Variants in SIM1 observed in about 807,000 individuals in gnomAD.
SIM1 encodes SIM bHLH transcription factor 1.
A neutral mutation model predicts 78.2 loss-of-function variants in SIM1; 18 were observed. The ratio of observed to expected loss-of-function variants is 0.23; its 90% CI spans 0.16 to 0.34. The LOEUF is 0.34. SIM1 is among the 10% of genes least tolerant of loss of function. The pLI, the probability that SIM1 is intolerant of heterozygous loss-of-function variation, is 1.00. For missense variants in SIM1, 939 were observed against 975.1 expected (o/e 0.96, Z 0.49); for synonymous variants, 417 against 385.2 (o/e 1.08, Z -0.97).
intron 2 of SIM1, among the ~76,000 whole-genome samples, chr6:100,458,013 T>TCTCTCC (rs1772721635): frequency 4.8e-4 from 6 of 12,382 alleles, no homozygotes; most frequent in African/African-American, 1.1e-3. Flanking sequence ...TCTTTCTCTC[T>TCTCTCC]CTCTCTCTCT....
intron 10 of SIM1, among the ~76,000 whole-genome samples, chr6:100,412,125 G>A (rs998852765): frequency 2.0e-5 from 3 of 152,100 alleles, no homozygotes; most frequent in African/African-American, 7.2e-5. Context: ...GCAGACTGGG[G>A]AGGAAAATTT....
intron 9 of SIM1, among the ~76,000 whole-genome samples, chr6:100,441,622 G>A (rs1387516005): frequency 6.6e-6 from 1 of 151,968 alleles, no homozygotes; most frequent in Non-Finnish European, 1.5e-5. Context: ...TATAATCTAG[G>A]ACCAAGCAAT....
At chr6:100,432,667 G>T (rs1374573041) in intron 9 of SIM1, among the ~76,000 whole-genome samples, 1 of 152,062 alleles carries the variant, frequency 6.6e-6, no homozygotes, top group Non-Finnish European at 1.5e-5. Flanking sequence ...TTGCATAGCT[G>T]CAGGGTTTAG....
chr6:100,447,258 T>G lies in SIM1; in HGVS notation c.998+10A>C, dbSNP rs1300327721. Reference sequence around the variant, plus strand: ...TGGGGTGGGTGAAGGGGTCTCAGTCTTGCACTCACGTGAGGACATAGTTGA... The same window carrying G: ...TGGGGTGGGTGAAGGGGTCTCAGTCGTGCACTCACGTGAGGACATAGTTGA... On this transcript the variant is annotated intron_variant, in intron 9 of 11. Coordinates refer to ENST00000369208, the MANE Select transcript of SIM1 (RefSeq NM_005068.3). 1.2e-6 allele frequency: 2 copies of G among 1,613,826 alleles called. No homozygotes were observed. The highest frequency in any genetic ancestry group is 1.7e-6 in the Non-Finnish European group (2 of 1,179,884).
In SIM1 at chr6:100,390,223, A is replaced by T; in HGVS notation, c.*138T>A. ...CTAGTGCTATGTTTTCTTTGATTTT[A>T]TAGGAACACGTATCAAATACCCAGT... On this transcript the variant is annotated 3_prime_UTR_variant, in exon 12 of 12. Transcript: ENST00000369208. 1 of 937,426 alleles carries T rather than the reference A, an allele frequency of 1.1e-6. No homozygotes were observed. The highest frequency in any genetic ancestry group is 1.6e-6 in the Non-Finnish European group (1 of 633,156). 58.1% of individuals were successfully genotyped at this position (937,426 alleles called of 1,614,324 possible). A position where few individuals can be genotyped will look rare whatever the true frequency, so the allele number is the denominator to read the frequency against.
intron 10 of SIM1, among the ~76,000 whole-genome samples, chr6:100,419,647 TG>T: frequency 1.3e-5 from 2 of 152,318 alleles, no homozygotes; most frequent in Middle Eastern, 6.8e-3. Flanking sequence ...TTTTTGTTTT[TG>T]TTTTTGTTTT....
At chr6:100,417,986 C>T (rs1771448816) in intron 10 of SIM1, among the ~76,000 whole-genome samples, 1 of 152,104 alleles carries the variant, frequency 6.6e-6, no homozygotes, top group Non-Finnish European at 1.5e-5. Context: ...ATAACAAATA[C>T]ACAAACTTCA....
chr6:100,454,954 C>A (rs1329807756), intron 2 of SIM1, among the ~76,000 whole-genome samples: 2 of 152,088 alleles, frequency 1.3e-5, no homozygotes, highest in African/African-American at 2.4e-5. Flanking sequence ...CACCATTAAA[C>A]AAAGTTTAAC....
Position 100,440,445 on chromosome 6 carries a change from G to A in SIM1, c.998+6823C>T, listed in dbSNP as rs550905870. ...ATACCACTTTCTGGAGATGGCCCAGGCTCAGCCAGACCCCAAACATTGTCA... is the reference window on the plus strand; with the variant it reads ...ATACCACTTTCTGGAGATGGCCCAGACTCAGCCAGACCCCAAACATTGTCA... On this transcript the variant is annotated intron_variant, in intron 9 of 11. Coordinates refer to ENST00000369208, the MANE Select transcript of SIM1 (RefSeq NM_005068.3). Among the ~76,000 whole-genome samples the A allele has an allele frequency of 9.9e-5, 15 of 152,280 alleles. No individual in the cohort carries two copies. The South Asian group carries it at 2.3e-3, about 23-fold the overall frequency.
chr6:100,401,213 A>C (rs1386950014), intron 10 of SIM1, among the ~76,000 whole-genome samples: 2 of 152,154 alleles, frequency 1.3e-5, no homozygotes, highest in Non-Finnish European at 2.9e-5. Flanking sequence ...CATTCTGTAA[A>C]ATAACTGGGC....
rs1428516012 is a variant in SIM1 at position 100,402,567 on chromosome 6, C to CTCTTTTTT, written c.1168-8679_1168-8678insAAAAAAGA. 2.1e-4 allele frequency among the ~76,000 whole-genome samples: 16 copies of CTCTTTTTT among 76,342 alleles called. 1 individual carries two copies. The highest frequency in any genetic ancestry group is 8.5e-4 in the Admixed American group (5 of 5,890). 50.1% of individuals were successfully genotyped at this position (76,342 alleles called of 152,430 possible). A position where few individuals can be genotyped will look rare whatever the true frequency, so the allele number is the denominator to read the frequency against. The stretch of plus-strand genomic sequence containing the variant: ...TTGACATTATTTTCTTTTCTTTTCT[C>CTCTTTTTT]TTTTTTTTTTTTTTTTTTTTTTTTT... On this transcript the variant is annotated intron_variant, in intron 10 of 11. Coordinates refer to ENST00000369208, the MANE Select transcript of SIM1 (RefSeq NM_005068.3).
intron 9 of SIM1, among the ~76,000 whole-genome samples, chr6:100,422,001 A>G (rs1771601121): frequency 6.9e-6 from 1 of 145,580 alleles, no homozygotes; most frequent in Non-Finnish European, 1.5e-5. Context: ...CACTAAAATC[A>G]AAAGTCCCCA....
rs151103767 is a variant in SIM1 at position 100,398,280 on chromosome 6, G to A, written c.1168-4391C>T. ...TCTTTTTCAATGTGGAAAAATACAA[G>A]TAACATAAAATTTACTATTATCCAG... is the stretch of plus-strand genomic sequence containing the variant. On this transcript the variant is annotated intron_variant, in intron 10 of 11. Coordinates refer to ENST00000369208, the MANE Select transcript of SIM1 (RefSeq NM_005068.3). Among the ~76,000 whole-genome samples the A allele has an allele frequency of 7.2e-3, 1,099 of 152,102 alleles. 18 individuals carry two copies. The highest frequency in any genetic ancestry group is 0.025 in the African/African-American group (1,051 of 41,520).
Position 100,393,738 on chromosome 6 carries a change from G to A in SIM1, c.1319C>T (p.Ser440Leu), listed in dbSNP as rs776861600. The part of the protein sequence containing the change: ...HDASCAYRQF[S>L]DRSSLCYGFA... ...GCCATAGCAGAGAGAGCTGCGGTCC[G>A]AAAACTGTCTGTAGGCGCACGATGC... is the stretch of plus-strand genomic sequence containing the variant. Residue 440 changes from serine (S) to leucine (L), a missense_variant, in exon 11 of 12, where the codon TCG (serine) becomes TTG (leucine). Physicochemically the swap from Ser to Leu is moderately radical, Grantham distance 145. Coordinates refer to ENST00000369208, the MANE Select transcript of SIM1 (RefSeq NM_005068.3). 1.9e-6 allele frequency: 3 copies of A among 1,614,198 alleles called. No homozygotes were observed. Among genetic ancestry groups the A allele is most frequent in the Middle Eastern group, 1.6e-4 (1 of 6,062 alleles).
At chr6:100,460,616 C>T (rs914387419) in intron 2 of SIM1, among the ~76,000 whole-genome samples, 2 of 152,138 alleles carry the variant, frequency 1.3e-5, no homozygotes, top group South Asian at 4.1e-4. Flanking sequence ...ATTTCATCTT[C>T]CAACAAATTC....
chr6:100,417,654 G>A (rs1053583709), intron 10 of SIM1, among the ~76,000 whole-genome samples: 5 of 152,160 alleles, frequency 3.3e-5, no homozygotes, highest in East Asian at 1.9e-4. Context: ...AAACGGTGAT[G>A]AGTTTGCCCT....
At chr6:100,437,373 G>A (rs998368702) in intron 9 of SIM1, 12 of 152,048 alleles carry the variant, frequency 7.9e-5, no homozygotes, top group African/African-American at 2.7e-4. Context: ...CAGCTGTATA[G>A]GGACTTTGAA....
At chr6:100,432,872 CCA>C (rs1158935410) in intron 9 of SIM1, among the ~76,000 whole-genome samples, 2 of 152,150 alleles carry the variant, frequency 1.3e-5, no homozygotes, top group Non-Finnish European at 2.9e-5. Flanking sequence ...AACATGTTGT[CCA>C]CACACAACCC....
intron 8 of SIM1, 148 bp from the exon 9 acceptor site, chr6:100,447,563 C>T (rs1772388624): frequency 3.4e-6 from 3 of 871,620 alleles, no homozygotes; most frequent in African/African-American, 3.4e-5. Flanking sequence ...CAGGCAAATT[C>T]CCAAAGGAAC....
Sources: allele counts gnomAD v4.1 joint callset (sites outside exome capture counted in the v4.1 genomes callset), GRCh38; gene constraint gnomAD v4.1.1; transcripts MANE v1.5; gene names NCBI Gene and HGNC (gene_info 2026-07-23, HGNC 2026-07-21).